Variants in COL23A1 observed in about 807,000 individuals in gnomAD.
COL23A1 encodes collagen type XXIII alpha 1 chain.
In COL23A1, 97 loss-of-function variants were observed where a neutral mutation model predicts 99.3. That is an observed-to-expected ratio of 0.98 (90% CI 0.83 to 1.16). The LOEUF is 1.16. Among genes scored for constraint, COL23A1 ranks in the 50% most tolerant of loss-of-function variants. COL23A1 has a pLI of 0.00. For missense variants in COL23A1, 762 were observed against 757.4 expected, an observed-to-expected ratio of 1.01 and a Z score of -0.07; for synonymous variants, 320 against 308.2, an observed-to-expected ratio of 1.04 and a Z score of -0.40.
At chr5:178,287,608 C>G (rs934977373) in intron 5 of COL23A1, among the ~76,000 whole-genome samples, 1 of 152,184 alleles carries the variant, frequency 6.6e-6, no homozygotes, top group South Asian at 2.1e-4. Context: ...AGATCTGTCC[C>G]GAATCAGCCA....
chr5:178,454,982 T>C (rs1581420843), intron 2 of COL23A1, among the ~76,000 whole-genome samples: 1 of 152,304 alleles, frequency 6.6e-6, no homozygotes, highest in Middle Eastern at 3.4e-3. Context: ...CTGCCATCCT[T>C]GGTGTCCTTG....
rs1759120498 is a variant in COL23A1 at position 178,510,143 on chromosome 5, T to C, written c.361+50539A>G. On this transcript the variant is annotated intron_variant, in intron 2 of 28. Transcript: ENST00000390654. ...GGATAAGTGAATCTATTATTTTCTG[T>C]TACCTTTTAAAAGAAAACATTTTTC... Among the ~76,000 whole-genome samples the C allele has an allele frequency of 3.3e-5, 5 of 152,378 alleles. No individual in the cohort carries two copies. In the South Asian group the frequency reaches 1.0e-3, roughly 32 times the overall value.
chr5:178,524,752 C>T (rs999525880), intron 2 of COL23A1, among the ~76,000 whole-genome samples: 1 of 152,192 alleles, frequency 6.6e-6, no homozygotes, highest in Non-Finnish European at 1.5e-5. Flanking sequence ...GCAGGGCCTT[C>T]TTTTTTCATA....
Position 178,439,910 on chromosome 5 carries a change from C to A in COL23A1, c.361+120772G>T, listed in dbSNP as rs552239313. 1 of 152,302 alleles carries A rather than the reference C, an allele frequency of 6.6e-6. No homozygotes were observed. The highest frequency in any genetic ancestry group is 6.5e-5 in the Admixed American group (1 of 15,302). 9.4% of individuals were successfully genotyped at this position (152,302 alleles called of 1,614,324 possible). A position where few individuals can be genotyped will look rare whatever the true frequency, so the allele number is the denominator to read the frequency against. On this transcript the variant is annotated intron_variant, in intron 2 of 28. Coordinates refer to ENST00000390654, the MANE Select transcript of COL23A1 (RefSeq NM_173465.4). The surrounding 1 kb of genome is among the most constrained non-coding windows in gnomAD (Gnocchi z 4.2). ...AAATGCGACGCTGAGTGACAGAAGC[C>A]AGACACAAAGGACTGGATTGTAGGA...
intron 2 of COL23A1, among the ~76,000 whole-genome samples, chr5:178,423,698 G>T (rs763793589): frequency 6.6e-6 from 1 of 152,094 alleles, no homozygotes; most frequent in Admixed American, 6.6e-5. Flanking sequence ...ACTCTAGCAC[G>T]GCAGTCCTGT....
chr5:178,247,927 T>A, intron 20 of COL23A1, 96 bp from the exon 21 acceptor site: 1 of 1,116,296 alleles, frequency 9.0e-7, no homozygotes, highest in Non-Finnish European at 1.3e-6. Flanking sequence ...GAGAGTCTCC[T>A]TCCTGCCCCC....
rs1758390340 is a variant in COL23A1 at position 178,306,925 on chromosome 5, C to T, written c.362-6G>A. 1.3e-6 allele frequency: 2 copies of T among 1,524,718 alleles called. No homozygotes were observed. The highest frequency in any genetic ancestry group is 1.8e-6 in the Non-Finnish European group (2 of 1,135,440). 94.4% of individuals were successfully genotyped at this position (1,524,718 alleles called of 1,614,324 possible). A position where few individuals can be genotyped will look rare whatever the true frequency, so the allele number is the denominator to read the frequency against. The stretch of plus-strand genomic sequence containing the variant: ...GCCGCGCCGTCCAGGGGGCCCTAGA[C>T]AGGAAAACAAGAATGCATTCATTGA... On this transcript the variant is annotated splice_polypyrimidine_tract_variant and splice_region_variant and intron_variant, in intron 2 of 28. Coordinates refer to ENST00000390654, the MANE Select transcript of COL23A1 (RefSeq NM_173465.4). This position sits in a 1 kb window ranked among gnomAD's most constrained non-coding sequence, Gnocchi z 4.1.
At chr5:178,371,972 T>C (rs757255683) in intron 2 of COL23A1, among the ~76,000 whole-genome samples, 19 of 152,264 alleles carry the variant, frequency 1.2e-4, no homozygotes, top group Non-Finnish European at 2.6e-4. Context: ...AAGTCTGCGA[T>C]AGGAAATCCA....
intron 2 of COL23A1, among the ~76,000 whole-genome samples, chr5:178,368,099 C>A (rs1275920855): frequency 6.6e-6 from 1 of 152,134 alleles, no homozygotes; most frequent in African/African-American, 2.4e-5. Context: ...TTTGATGCGT[C>A]GAAAGGGCAG....
At chr5:178,518,795 T>G (rs1469543847) in intron 2 of COL23A1, among the ~76,000 whole-genome samples, 1 of 149,456 alleles carries the variant, frequency 6.7e-6, no homozygotes, top group Non-Finnish European at 1.5e-5. Context: ...GGCAGGCGGC[T>G]GCTCCTTGCC....
intron 2 of COL23A1, among the ~76,000 whole-genome samples, chr5:178,437,560 GC>G (rs1462800643): frequency 6.6e-6 from 1 of 152,164 alleles, no homozygotes; most frequent in Non-Finnish European, 1.5e-5. Flanking sequence ...GCCGCTATCT[GC>G]CCAGCAAGGC....
intron 2 of COL23A1, among the ~76,000 whole-genome samples, chr5:178,535,262 C>T (rs1418366766): frequency 1.3e-5 from 2 of 152,346 alleles, no homozygotes; most frequent in African/African-American, 4.8e-5. Flanking sequence ...GCGTGAGCCA[C>T]CGTGCCCAGC....
At chr5:178,413,042 G>A (rs1228019473) in intron 2 of COL23A1, among the ~76,000 whole-genome samples, 1 of 152,026 alleles carries the variant, frequency 6.6e-6, no homozygotes, top group Non-Finnish European at 1.5e-5. Flanking sequence ...AAATAGCTGG[G>A]CATACTGGTG....
At chr5:178,482,083 AC>A (rs1281821984) in intron 2 of COL23A1, among the ~76,000 whole-genome samples, 4 of 152,110 alleles carry the variant, frequency 2.6e-5, no homozygotes, top group South Asian at 4.1e-4. Context: ...AAAAAGTCAG[AC>A]ACAGAATTAC....
chr5:178,419,808 G>A (rs1041842739), intron 2 of COL23A1, among the ~76,000 whole-genome samples: 6 of 152,198 alleles, frequency 3.9e-5, no homozygotes, highest in African/African-American at 1.4e-4. Context: ...AATCCCAGCG[G>A]CCATCCTTCA....
chr5:178,312,256 T>G (rs1274234529), intron 2 of COL23A1, among the ~76,000 whole-genome samples: 1 of 152,180 alleles, frequency 6.6e-6, no homozygotes, highest in Non-Finnish European at 1.5e-5. Flanking sequence ...GGCTGAGCTC[T>G]TTGGGAATGA....
intron 2 of COL23A1, among the ~76,000 whole-genome samples, chr5:178,446,832 C>A (rs1279000309): frequency 1.3e-5 from 2 of 152,130 alleles, no homozygotes; most frequent in African/African-American, 4.8e-5. Flanking sequence ...CATGGTATAA[C>A]AGAAGGGTGG....
chr5:178,517,600 C>T lies in COL23A1; in HGVS notation c.361+43082G>A, dbSNP rs532985378. On this transcript the variant is annotated intron_variant, in intron 2 of 28. Transcript: ENST00000390654. ...TTTTTGAGATGGAGTCTCACTCTGTCGCCCAGTCTGGAATGCAGTGGCATG... is the reference window on the plus strand; with the variant it reads ...TTTTTGAGATGGAGTCTCACTCTGTTGCCCAGTCTGGAATGCAGTGGCATG... Among the ~76,000 whole-genome samples, 96 of 108,758 alleles carry T rather than the reference C, an allele frequency of 8.8e-4. 1 individual carries two copies. The highest frequency in any genetic ancestry group is 3.4e-3 in the African/African-American group (87 of 25,368). The allele number at this position is 108,758 out of a possible 152,430, so 71.3% of individuals were successfully genotyped here. A position where few individuals can be genotyped will look rare whatever the true frequency, so the allele number is the denominator to read the frequency against.
chr5:178,588,827 T>C (rs1764125571), intron 1 of COL23A1, among the ~76,000 whole-genome samples: 1 of 152,168 alleles, frequency 6.6e-6, no homozygotes, highest in Non-Finnish European at 1.5e-5. Context: ...CTGGGCAGTC[T>C]AGGGAATTGG....
Sources: gnomAD v4.1 joint callset for allele counts (sites outside exome capture counted in the v4.1 genomes callset) on GRCh38, gnomAD v4.1.1 for gene constraint, Gnocchi (gnomAD v3.1) non-coding constraint, MANE v1.5 for transcripts, NCBI Gene and HGNC (gene_info 2026-07-23, HGNC 2026-07-21) for gene names.